The following PACRG variants were observed in gnomAD, a reference collection of about 807,000 sequenced individuals.
The protein encoded by PACRG is parkin coregulated.
In PACRG, 29 loss-of-function variants were observed where a neutral mutation model predicts 29.7. That is an observed-to-expected ratio of 0.98 (90% CI 0.73 to 1.33). The LOEUF is 1.33. Among genes scored for constraint, PACRG ranks in the 40% most tolerant of loss-of-function variants. PACRG has a pLI of 0.00. For missense variants in PACRG, 279 were observed against 316.2 expected, an observed-to-expected ratio of 0.88 and a Z score of 0.89; for synonymous variants, 116 against 118.7, an observed-to-expected ratio of 0.98 and a Z score of 0.15.
chr6:163,079,635 G>A (rs573412572), intron 3 of PACRG, among the ~76,000 whole-genome samples: 35 of 152,148 alleles, frequency 2.3e-4, no homozygotes, highest in African/African-American at 7.5e-4. Context: ...AGGAGCTCCC[G>A]AATCACCTGC....
chr6:162,809,188 G>A (rs911717252), intron 1 of PACRG, among the ~76,000 whole-genome samples: 1 of 152,006 alleles, frequency 6.6e-6, no homozygotes, highest in Non-Finnish European at 1.5e-5. Context: ...AAAATTCAGT[G>A]CCACTGATGC....
At chr6:162,867,573 G>C (rs1792405657) in intron 2 of PACRG, among the ~76,000 whole-genome samples, 1 of 152,164 alleles carries the variant, frequency 6.6e-6, no homozygotes, top group Non-Finnish European at 1.5e-5. Context: ...CTATTCAAAA[G>C]GCCCGCCATC....
At chr6:163,177,921 T>C (rs1021747019) in intron 4 of PACRG, among the ~76,000 whole-genome samples, 2 of 151,960 alleles carry the variant, frequency 1.3e-5, no homozygotes, top group African/African-American at 4.8e-5. Context: ...TCTTCCCTGC[T>C]GGACCATTTG....
rs1015968538 is a variant in PACRG, at chr6:162,728,078, G to A, written c.-158G>A. ...AGGGTCCAGCTCCCTTCACCTAGGA[G>A]CTGCCAAACATCTGGATCAACCTGG... On this transcript the variant is annotated 5_prime_UTR_variant, in exon 1 of 5. Coordinates refer to ENST00000366888, the MANE Select transcript of PACRG (RefSeq NM_001080379.2). The A allele has an allele frequency of 3.4e-6, 3 of 882,820 alleles. No individual in the cohort carries two copies. The highest frequency in any genetic ancestry group is 2.3e-5 in the Admixed American group (1 of 44,080). 54.7% of individuals were successfully genotyped at this position (882,820 alleles called of 1,614,324 possible). A position where few individuals can be genotyped will look rare whatever the true frequency, so the allele number is the denominator to read the frequency against.
At chr6:163,290,833 C>G (rs868417493) in intron 4 of PACRG, among the ~76,000 whole-genome samples, 2 of 152,160 alleles carry the variant, frequency 1.3e-5, no homozygotes, top group African/African-American at 4.8e-5. Context: ...AAATCGGATG[C>G]GCATGAGTTC....
intron 2 of PACRG, among the ~76,000 whole-genome samples, chr6:162,829,137 C>T (rs568215993): frequency 3.3e-5 from 5 of 152,242 alleles, no homozygotes; most frequent in Middle Eastern, 3.4e-3. Flanking sequence ...AAAGTAAAAT[C>T]GTTACTAGTG....
chr6:163,141,127 T>C (rs941316265), intron 4 of PACRG, among the ~76,000 whole-genome samples: 2 of 152,032 alleles, frequency 1.3e-5, no homozygotes, highest in African/African-American at 4.8e-5. Context: ...TCAGTGGAAT[T>C]ATCAGCAGCC....
At chr6:163,298,203 T>C (rs907730897) in intron 4 of PACRG, among the ~76,000 whole-genome samples, 1 of 151,298 alleles carries the variant, frequency 6.6e-6, no homozygotes, top group Middle Eastern at 3.4e-3. Context: ...CTTTATAACC[T>C]CTACCCAGTA....
At chr6:163,300,887 C>T (rs55812684) in intron 4 of PACRG, among the ~76,000 whole-genome samples, 3,817 of 75,674 alleles carry the variant, frequency 0.05, 31 homozygotes, top group African/African-American at 0.1. Flanking sequence ...ATGAGTTTAG[C>T]AGGGCCACAT....
chr6:163,138,197 A>C (rs930674810), intron 4 of PACRG, among the ~76,000 whole-genome samples: 1 of 152,232 alleles, frequency 6.6e-6, no homozygotes, highest in Non-Finnish European at 1.5e-5. Flanking sequence ...CTGCATTATA[A>C]AGCAATTTAA....
rs1780729482 is a variant in PACRG, at chr6:163,202,190, G to GCTTCCGTGTCCACTGGTC, written c.614-112636_614-112619dup. Among the ~76,000 whole-genome samples, 4 of 152,142 alleles carry GCTTCCGTGTCCACTGGTC rather than the reference G, an allele frequency of 2.6e-5. No homozygotes were observed. The South Asian group carries it at 8.3e-4, about 31-fold the overall frequency. The stretch of plus-strand genomic sequence containing the variant: ...GAGGGGAAAATGGAGGGAAACTGGT[G>GCTTCCGTGTCCACTGGTC]CTTCCGTGTCCACTGGTCAGGGGTG... On this transcript the variant is annotated intron_variant, in intron 4 of 4. Transcript: ENST00000366888.
chr6:162,838,780 C>T (rs1326045015), intron 2 of PACRG, among the ~76,000 whole-genome samples: 1 of 128,916 alleles, frequency 7.8e-6, no homozygotes, highest in Admixed American at 9.5e-5. Context: ...GTGTGATATT[C>T]CCCTTCCTGT....
chr6:162,916,156 A>G (rs1473665525), intron 2 of PACRG, among the ~76,000 whole-genome samples: 2 of 152,144 alleles, frequency 1.3e-5, no homozygotes, highest in Non-Finnish European at 2.9e-5. Context: ...ATTTTCATTG[A>G]ACATAGAATT....
chr6:162,754,377 T>A (rs1781737595), intron 1 of PACRG, among the ~76,000 whole-genome samples: 1 of 152,184 alleles, frequency 6.6e-6, no homozygotes, highest in Non-Finnish European at 1.5e-5. Context: ...TACCATCAGA[T>A]GTATGGTTTG....
intron 4 of PACRG, among the ~76,000 whole-genome samples, chr6:163,276,879 A>G (rs2128182363): frequency 6.6e-6 from 1 of 152,322 alleles, no homozygotes; most frequent in South Asian, 2.1e-4. Context: ...GTTGTTTACA[A>G]ATTACCCAGT....
chr6:162,813,854 C>G (rs1370942342), intron 1 of PACRG, among the ~76,000 whole-genome samples: 9 of 152,206 alleles, frequency 5.9e-5, no homozygotes, highest in African/African-American at 2.2e-4. Flanking sequence ...ATGTTTTTCA[C>G]AAACATAATA....
At chr6:162,831,154 G>A (rs79119533) in intron 2 of PACRG, among the ~76,000 whole-genome samples, 2,635 of 152,214 alleles carry the variant, frequency 0.017, 74 homozygotes, top group African/African-American at 0.058. Context: ...GGCAGGTAGG[G>A]TTTAGAGGGT....
At chr6:162,829,761 A>T (rs1788589219) in intron 2 of PACRG, among the ~76,000 whole-genome samples, 1 of 152,188 alleles carries the variant, frequency 6.6e-6, no homozygotes, top group African/African-American at 2.4e-5. Flanking sequence ...CTCACATATG[A>T]GGGTCTTATG....
intron 2 of PACRG, among the ~76,000 whole-genome samples, chr6:162,851,806 A>C (rs1020787475): frequency 3.3e-5 from 5 of 152,134 alleles, no homozygotes. Flanking sequence ...CATGTGTCCA[A>C]GAATTTAAAT....
Sources: allele counts gnomAD v4.1 joint callset (sites outside exome capture counted in the v4.1 genomes callset), GRCh38; gene constraint gnomAD v4.1.1; transcripts MANE v1.5; gene names NCBI Gene and HGNC (gene_info 2026-07-23, HGNC 2026-07-21).